Variants in KRABD5 observed in about 807,000 individuals in gnomAD.
KRABD5 encodes the protein KRAB domain-containing protein 5.
At chr16:31,724,189 CTTTCTTTTCCTTTTCTTT>C in the KRABD5 span, among the ~76,000 whole-genome samples, 2 of 152,014 alleles carry the variant, frequency 1.3e-5, no homozygotes, top group East Asian at 1.9e-4. Flanking sequence ...TGTTCGTTTT[CTTTCTTTTCCTTTTCTTT>C]TTTCTTTTCC....
At chr16:31,742,022 A>G in the KRABD5 span, among the ~76,000 whole-genome samples, 1 of 152,140 alleles carries the variant, frequency 6.6e-6, no homozygotes, top group Non-Finnish European at 1.5e-5. Context: ...CAGTCATCCT[A>G]GAACCATTTA....
chr16:31,717,099 C>T, the KRABD5 span, among the ~76,000 whole-genome samples: 3 of 145,580 alleles, frequency 2.1e-5, no homozygotes, highest in African/African-American at 7.7e-5. Context: ...TGGGTTCAAG[C>T]GATTCTCCTG....
the KRABD5 span, among the ~76,000 whole-genome samples, chr16:31,721,114 A>G: frequency 6.6e-6 from 1 of 152,358 alleles, no homozygotes; most frequent in Non-Finnish European, 1.5e-5. Flanking sequence ...AACTAGACTC[A>G]GAAACACAAG....
the KRABD5 span, among the ~76,000 whole-genome samples, chr16:31,719,341 AT>A: frequency 6.6e-6 from 1 of 152,070 alleles, no homozygotes; most frequent in Non-Finnish European, 1.5e-5. Flanking sequence ...TTTTAATATA[AT>A]TTTCCCAGAA....
the KRABD5 span, among the ~76,000 whole-genome samples, chr16:31,715,891 C>T: frequency 6.6e-6 from 1 of 152,176 alleles, no homozygotes; most frequent in South Asian, 2.1e-4. Context: ...AGACTGTCAC[C>T]CTACACATTG....
the KRABD5 span, among the ~76,000 whole-genome samples, chr16:31,741,338 T>C: frequency 6.6e-6 from 1 of 152,186 alleles, no homozygotes; most frequent in African/African-American, 2.4e-5. Context: ...AGTAATAGAA[T>C]TGTTGGGTCA....
At chr16:31,730,371 G>C in the KRABD5 span, among the ~76,000 whole-genome samples, 2 of 151,624 alleles carry the variant, frequency 1.3e-5, no homozygotes, top group African/African-American at 4.8e-5. Context: ...TTTAATATAT[G>C]GTATCACTCC....
the KRABD5 span, among the ~76,000 whole-genome samples, chr16:31,722,466 C>T: frequency 6.6e-6 from 1 of 152,168 alleles, no homozygotes; most frequent in Non-Finnish European, 1.5e-5. Context: ...TTAGAGAATA[C>T]ATAGAAAATA....
the KRABD5 span, among the ~76,000 whole-genome samples, chr16:31,741,275 G>A: frequency 6.6e-6 from 1 of 152,210 alleles, no homozygotes; most frequent in Non-Finnish European, 1.5e-5. Context: ...ATGAACATAT[G>A]AGTGCATGTG....
chr16:31,754,552 TA>T, the KRABD5 span: 4 of 536,872 alleles, frequency 7.5e-6, no homozygotes, highest in Admixed American at 4.4e-5. Flanking sequence ...ATTGCAAACG[TA>T]AAAAATGTGA....
chr16:31,752,219 T>C, the KRABD5 span, among the ~76,000 whole-genome samples: 1 of 152,212 alleles, frequency 6.6e-6, no homozygotes, highest in Non-Finnish European at 1.5e-5. Context: ...ATATGAAGGA[T>C]GTATGTGTTC....
At chr16:31,722,731 T>G in the KRABD5 span, 4 of 1,607,644 alleles carry the variant, frequency 2.5e-6, no homozygotes, top group Non-Finnish European at 3.4e-6. Context: ...GTTAGAGAAC[T>G]ACGGAAACCT....
At chr16:31,746,734 A>G in the KRABD5 span, among the ~76,000 whole-genome samples, 2 of 152,050 alleles carry the variant, frequency 1.3e-5, no homozygotes, top group Admixed American at 6.6e-5. Flanking sequence ...CATTCTCCTC[A>G]TGTTTTTCAG....
the KRABD5 span, chr16:31,723,145 G>C: frequency 8.7e-7 from 1 of 1,147,820 alleles, no homozygotes. Context: ...ACAGTATTTG[G>C]GGAAGTAATT....
chr16:31,752,670 A>G, the KRABD5 span, among the ~76,000 whole-genome samples: 1 of 152,176 alleles, frequency 6.6e-6, no homozygotes, highest in Non-Finnish European at 1.5e-5. Context: ...ATTTTTGACC[A>G]GCCTAAATGA....
chr16:31,755,051 T>G, the KRABD5 span: 22 of 477,324 alleles, frequency 4.6e-5, 1 homozygote, highest in Middle Eastern at 3.6e-3. Context: ...ACCTTACAAA[T>G]GTAAAGAATG....
At chr16:31,720,072 T>G in the KRABD5 span, among the ~76,000 whole-genome samples, 1 of 152,140 alleles carries the variant, frequency 6.6e-6, no homozygotes, top group African/African-American at 2.4e-5. Flanking sequence ...GGGGTTTATA[T>G]GGCTTAACTC....
At chr16:31,753,130 C>T in the KRABD5 span, among the ~76,000 whole-genome samples, 1 of 152,234 alleles carries the variant, frequency 6.6e-6, no homozygotes, top group East Asian at 1.9e-4. Flanking sequence ...GTACTCTAGT[C>T]ATTCTGGGAG....
At chr16:31,757,192 TGTG>T in the KRABD5 span, 1 of 152,162 alleles carries the variant, frequency 6.6e-6, no homozygotes, top group Admixed American at 6.6e-5. Context: ...GCTGTCCAGG[TGTG>T]GTGGCTCACG....
Sources: allele counts gnomAD v4.1 joint callset (sites outside exome capture counted in the v4.1 genomes callset), GRCh38; gene constraint gnomAD v4.1.1; transcripts MANE v1.5; gene names NCBI Gene and HGNC (gene_info 2026-07-23, HGNC 2026-07-21).